HSD17B6: variants seen among roughly 807,000 people sequenced by gnomAD.
HSD17B6 encodes the protein hydroxysteroid 17-beta dehydrogenase 6.
In HSD17B6, 16 loss-of-function variants were observed where a neutral mutation model predicts 26.4. The observed-to-expected ratio is 0.61, with a 90% confidence interval of 0.41 to 0.92. The LOEUF (loss-of-function observed/expected upper bound fraction) is 0.92, where lower values mean the gene tolerates loss of function less well. Ranked by LOEUF, HSD17B6 falls within the 40% of genes least tolerant of loss-of-function variation. The pLI, the probability that HSD17B6 is intolerant of heterozygous loss-of-function variation, is 0.00. For missense variants in HSD17B6, 357 were observed against 386.1 expected, an observed-to-expected ratio of 0.92 and a Z score of 0.63; for synonymous variants, 139 against 153.0, an observed-to-expected ratio of 0.91 and a Z score of 0.68.
At chr12:56,768,141 ATCT>A (rs897915758) in intron 1 of HSD17B6, among the ~76,000 whole-genome samples, 70 of 152,216 alleles carry the variant, frequency 4.6e-4, no homozygotes, top group African/African-American at 1.4e-3. Flanking sequence ...TCTGAAAGCA[ATCT>A]TCTTCTTCTT....
At chr12:56,783,826 A>G (rs1954804093) in intron 3 of HSD17B6, among the ~76,000 whole-genome samples, 1 of 148,632 alleles carries the variant, frequency 6.7e-6, no homozygotes, top group Non-Finnish European at 1.5e-5. Flanking sequence ...GCTGACCCCC[A>G]CCTCCCTCCC....
chr12:56,766,344 CTTG>C (rs1417289910), intron 1 of HSD17B6, among the ~76,000 whole-genome samples: 2 of 152,112 alleles, frequency 1.3e-5, no homozygotes, highest in African/African-American at 4.8e-5. Flanking sequence ...CCAGAGTAGT[CTTG>C]TTGGTATCTC....
intron 1 of HSD17B6, among the ~76,000 whole-genome samples, chr12:56,768,330 G>A (rs981941142): frequency 2.0e-5 from 3 of 152,128 alleles, no homozygotes; most frequent in Non-Finnish European, 2.9e-5. Flanking sequence ...GGAAGGTGAA[G>A]TGCAAGGAGC....
chr12:56,784,538 A>G (rs1954831652), intron 3 of HSD17B6, among the ~76,000 whole-genome samples: 1 of 152,202 alleles, frequency 6.6e-6, no homozygotes, highest in Admixed American at 6.5e-5. Context: ...CCAGTCAGGC[A>G]TGGTGGTGCA....
chr12:56,767,090 A>C (rs1196932266), intron 1 of HSD17B6, among the ~76,000 whole-genome samples: 1 of 152,092 alleles, frequency 6.6e-6, no homozygotes, highest in Admixed American at 6.6e-5. Context: ...GTTAGATGCA[A>C]GGCTTCTGCA....
At chr12:56,774,884 G>C (rs1240825746) in intron 2 of HSD17B6, among the ~76,000 whole-genome samples, 1 of 152,214 alleles carries the variant, frequency 6.6e-6, no homozygotes, top group African/African-American at 2.4e-5. Context: ...CTTGTCTGCT[G>C]CTCACCTCCT....
intron 4 of HSD17B6, 76 bp downstream of exon 4, chr12:56,785,092 T>G: frequency 7.3e-7 from 1 of 1,376,314 alleles, no homozygotes; most frequent in South Asian, 1.4e-5. Context: ...AAGAAATAAC[T>G]GAGACTGGGT....
At chr12:56,785,078 T>C in intron 4 of HSD17B6, 62 bp downstream of exon 4, 1 of 1,459,732 alleles carries the variant, frequency 6.9e-7, no homozygotes, top group Non-Finnish European at 9.3e-7. Context: ...CTCATGCTGC[T>C]ATGAAGAAAT....
chr12:56,786,977 A>G (rs1277226335), intron 4 of HSD17B6, 148 bp from the exon 5 acceptor site: 2 of 599,996 alleles, frequency 3.3e-6, no homozygotes, highest in African/African-American at 3.7e-5. Context: ...CTCAATAGCT[A>G]CATGTGGCTA....
intron 4 of HSD17B6, among the ~76,000 whole-genome samples, chr12:56,786,829 A>G (rs769149613): frequency 3.9e-5 from 6 of 152,340 alleles, no homozygotes; most frequent in Middle Eastern, 3.4e-3. Context: ...AACCTGGGTG[A>G]CAGAGCAAGA....
rs1954894022 is a variant in HSD17B6, at chr12:56,787,162, C to T, written c.774C>T (p.Ser258=). Reference sequence around the variant, plus strand: ...TGAAGGAAGGGCTGTTGAATTGTAGCACAAACCTGAACCTGGTCACTGACT... The same window carrying T: ...TGAAGGAAGGGCTGTTGAATTGTAGTACAAACCTGAACCTGGTCACTGACT... ...NIMKEGLLNC[S]TNLNLVTDCM... The change falls in exon 5 of 5, where the codon AGC becomes AGT. Residue 258 remains serine, a synonymous_variant. Coordinates refer to ENST00000322165, the MANE Select transcript of HSD17B6 (RefSeq NM_003725.4). 6.2e-7 allele frequency: 1 copy of T among 1,614,034 alleles called. No individual in the cohort carries two copies. Among genetic ancestry groups the T allele is most frequent in the Non-Finnish European group, 8.5e-7 (1 of 1,180,006 alleles).
chr12:56,772,139 T>G (rs1009269050), intron 1 of HSD17B6, among the ~76,000 whole-genome samples: 1 of 152,084 alleles, frequency 6.6e-6, no homozygotes, highest in East Asian at 1.9e-4. Flanking sequence ...AGATCTCAAC[T>G]TATATTTTAT....
intron 3 of HSD17B6, among the ~76,000 whole-genome samples, chr12:56,783,535 G>A (rs561423962): frequency 2.8e-5 from 4 of 144,398 alleles, no homozygotes; most frequent in South Asian, 4.4e-4. Context: ...CCGGCCGGGC[G>A]GGGGGCTGAA....
intron 1 of HSD17B6, among the ~76,000 whole-genome samples, chr12:56,768,223 C>T (rs2137897268): frequency 6.6e-6 from 1 of 151,936 alleles, no homozygotes; most frequent in Non-Finnish European, 1.5e-5. Context: ...CTAAATATTG[C>T]AGTGAGGTCT....
rs2137934413 is a variant in HSD17B6, at chr12:56,784,734, C to T, written c.573-119C>T. On this transcript the variant is annotated intron_variant, in intron 3 of 4. Coordinates refer to ENST00000322165, the MANE Select transcript of HSD17B6 (RefSeq NM_003725.4). Reference sequence around the variant, plus strand: ...GAGAGGGAGAGGGAGAGGGAGATTTCTTTATTCTTTAAAATATTCAGTAAA... The same window carrying T: ...GAGAGGGAGAGGGAGAGGGAGATTTTTTTATTCTTTAAAATATTCAGTAAA... 1.0e-5 allele frequency: 11 copies of T among 1,065,108 alleles called. No homozygotes were observed. In the South Asian group the frequency reaches 1.6e-4, roughly 16 times the overall value. The allele number at this position is 1,065,108 out of a possible 1,614,324, so 66.0% of individuals were successfully genotyped here. A position where few individuals can be genotyped will look rare whatever the true frequency, so the allele number is the denominator to read the frequency against.
chr12:56,777,606 G>A (rs576444043), intron 2 of HSD17B6, among the ~76,000 whole-genome samples: 31 of 152,116 alleles, frequency 2.0e-4, no homozygotes, highest in Admixed American at 3.9e-4. Flanking sequence ...CAGGTGATCC[G>A]CCTGTCTTGG....
At position 56,787,273 on chromosome 12, in the gene HSD17B6, T is replaced by C; in HGVS notation, c.885T>C (p.Ser295=). 6.2e-7 allele frequency: 1 copy of C among 1,614,154 alleles called. No individual in the cohort carries two copies. The highest frequency in any genetic ancestry group is 8.5e-7 in the Non-Finnish European group (1 of 1,179,984). ...CTAAATTTTTCTTCATCCCTCTATC[T>C]TATTTACCTACATCACTGGCAGACT... The part of the protein sequence containing the change: ...WDAKFFFIPL[S]YLPTSLADYI... Residue 295 remains serine (S), a synonymous_variant, in exon 5 of 5, where the codon TCT becomes TCC. Transcript: ENST00000322165.
intron 1 of HSD17B6, among the ~76,000 whole-genome samples, chr12:56,767,631 A>AATATG (rs397798828): frequency 2.8e-5 from 4 of 144,344 alleles, no homozygotes; most frequent in Non-Finnish European, 6.0e-5. Context: ...TAACATATAT[A>AATATG]TTATATTAAT....
At chr12:56,786,210 C>T (rs1257950092) in intron 4 of HSD17B6, among the ~76,000 whole-genome samples, 1 of 151,206 alleles carries the variant, frequency 6.6e-6, no homozygotes, top group East Asian at 1.9e-4. Flanking sequence ...TTGTTCTAAA[C>T]CTATTTAAAA....
Sources: gnomAD v4.1 joint callset for allele counts (sites outside exome capture counted in the v4.1 genomes callset) on GRCh38, gnomAD v4.1.1 for gene constraint, MANE v1.5 for transcripts, NCBI Gene and HGNC (gene_info 2026-07-23, HGNC 2026-07-21) for gene names.